Variants in KCNIP4 observed in about 807,000 individuals in gnomAD.
KCNIP4 encodes potassium voltage-gated channel interacting protein 4, also known as Kv channel-interacting protein 4.
A neutral mutation model predicts 34.0 loss-of-function variants in KCNIP4; 12 were observed. That is an observed-to-expected ratio of 0.35 (90% CI 0.23 to 0.57). The LOEUF (loss-of-function observed/expected upper bound fraction) is 0.57, where lower values mean the gene tolerates loss of function less well. Among genes scored for constraint, KCNIP4 ranks in the 20% least tolerant of loss-of-function variants. The pLI is 0.83. For synonymous variants in KCNIP4, 124 were observed against 102.2 expected, an observed-to-expected ratio of 1.21 and a Z score of -1.29; for missense variants, 238 against 311.7, an observed-to-expected ratio of 0.76 and a Z score of 1.78.
chr4:21,196,867 A>C (rs1756093721), intron 1 of KCNIP4, among the ~76,000 whole-genome samples: 1 of 152,202 alleles, frequency 6.6e-6, no homozygotes, highest in Non-Finnish European at 1.5e-5. Context: ...GTACATGCAC[A>C]CACACACAGT....
intron 1 of KCNIP4, among the ~76,000 whole-genome samples, chr4:21,357,317 G>A (rs1487467822): frequency 6.6e-6 from 1 of 152,060 alleles, no homozygotes; most frequent in African/African-American, 2.4e-5. Context: ...TTGACAAATG[G>A]GATCTAATTA....
At chr4:21,186,207 A>G (rs1755216872) in intron 1 of KCNIP4, among the ~76,000 whole-genome samples, 1 of 151,860 alleles carries the variant, frequency 6.6e-6, no homozygotes, top group South Asian at 2.1e-4. Context: ...TTCTGCTCAG[A>G]ACTTTTATTA....
chr4:21,037,214 T>G (rs963897713), intron 1 of KCNIP4, among the ~76,000 whole-genome samples: 5 of 152,154 alleles, frequency 3.3e-5, no homozygotes, highest in African/African-American at 1.2e-4. Flanking sequence ...AAAAATATTC[T>G]TATAAATTTA....
intron 3 of KCNIP4, among the ~76,000 whole-genome samples, chr4:20,790,159 T>C (rs1429741874): frequency 6.6e-6 from 1 of 152,154 alleles, no homozygotes; most frequent in African/African-American, 2.4e-5. Context: ...TAGGTAGTTG[T>C]CACAAAATGG....
chr4:21,547,179 G>C (rs74355289), intron 1 of KCNIP4, among the ~76,000 whole-genome samples: 5,828 of 152,046 alleles, frequency 0.038, 160 homozygotes, highest in Non-Finnish European at 0.057. Context: ...ACCCAGTCTA[G>C]ATCAGCTGAA....
intron 1 of KCNIP4, among the ~76,000 whole-genome samples, chr4:21,365,534 AAAG>A (rs1412064523): frequency 2.3e-4 from 5 of 21,744 alleles, no homozygotes; most frequent in Non-Finnish European, 4.1e-4. Context: ...AAAAATAAAG[AAAG>A]AAAAGAAAAA....
At chr4:21,174,448 A>G (rs1754247455) in intron 1 of KCNIP4, among the ~76,000 whole-genome samples, 1 of 152,188 alleles carries the variant, frequency 6.6e-6, no homozygotes. Flanking sequence ...GGGGATTAGA[A>G]ATAATGCAGA....
intron 1 of KCNIP4, among the ~76,000 whole-genome samples, chr4:21,146,751 A>G (rs572901087): frequency 5.2e-4 from 79 of 152,212 alleles, no homozygotes; most frequent in Non-Finnish European, 1.0e-3. Context: ...TAAGATTTTG[A>G]AACACAGCTG....
intron 1 of KCNIP4, among the ~76,000 whole-genome samples, chr4:20,974,281 A>G (rs1735265711): frequency 6.6e-6 from 1 of 152,214 alleles, no homozygotes; most frequent in African/African-American, 2.4e-5. Context: ...AGCTGGAGAG[A>G]AAATGAATGA....
At chr4:21,232,922 G>A (rs577757923) in intron 1 of KCNIP4, among the ~76,000 whole-genome samples, 1 of 152,276 alleles carries the variant, frequency 6.6e-6, no homozygotes, top group South Asian at 2.1e-4. Flanking sequence ...GTAGGTCTGA[G>A]TGAAAGGACC....
chr4:21,902,490 T>C (rs952154948), intron 1 of KCNIP4, among the ~76,000 whole-genome samples: 2 of 151,976 alleles, frequency 1.3e-5, no homozygotes, highest in Admixed American at 1.3e-4. Flanking sequence ...TTATGTAAGA[T>C]GAGATGTTCA....
chr4:20,877,970 C>T lies in KCNIP4; in HGVS notation c.163+4638G>A, dbSNP rs966702206. Among the ~76,000 whole-genome samples, 269 of 148,408 alleles carry T rather than the reference C, an allele frequency of 1.8e-3. 2 individuals carry two copies. The highest frequency in any genetic ancestry group is 3.4e-4 in the Non-Finnish European group (23 of 66,968). On this transcript the variant is annotated intron_variant, in intron 2 of 8. Coordinates refer to ENST00000382152, the MANE Select transcript of KCNIP4 (RefSeq NM_025221.6). ...GCCAGAGCTAATGTTTTCTCTCTCT[C>T]TTTTTTTTTTTCCAATTTAAAGATT... is the stretch of plus-strand genomic sequence containing the variant.
chr4:21,415,234 A>T (rs1291325450), intron 1 of KCNIP4, among the ~76,000 whole-genome samples: 4 of 152,062 alleles, frequency 2.6e-5, no homozygotes, highest in Non-Finnish European at 5.9e-5. Flanking sequence ...ATATGTGGGT[A>T]CCTAGAGTAA....
At chr4:21,890,973 C>T (rs1727058925) in intron 1 of KCNIP4, among the ~76,000 whole-genome samples, 1 of 152,108 alleles carries the variant, frequency 6.6e-6, no homozygotes, top group South Asian at 2.1e-4. Context: ...GTTTATATAG[C>T]ATTTTAACTT....
chr4:20,990,993 C>T (rs994989639), intron 1 of KCNIP4, among the ~76,000 whole-genome samples: 4 of 152,122 alleles, frequency 2.6e-5, no homozygotes, highest in African/African-American at 4.8e-5. Flanking sequence ...ATTGAGTTGT[C>T]GCAATATCTC....
chr4:21,433,777 G>A (rs1469307988), intron 1 of KCNIP4, among the ~76,000 whole-genome samples: 1 of 152,086 alleles, frequency 6.6e-6, no homozygotes, highest in African/African-American at 2.4e-5. Context: ...CTCTTTAGCT[G>A]GATATTTGCT....
At chr4:21,085,490 A>C (rs1746341190) in intron 1 of KCNIP4, among the ~76,000 whole-genome samples, 1 of 152,090 alleles carries the variant, frequency 6.6e-6, no homozygotes, top group Admixed American at 6.6e-5. Context: ...TTTCATATGT[A>C]TTTCTCATGG....
chr4:21,792,158 T>A (rs1720333931), intron 1 of KCNIP4, among the ~76,000 whole-genome samples: 1 of 151,676 alleles, frequency 6.6e-6, no homozygotes, highest in Non-Finnish European at 1.5e-5. Context: ...TCTCTCTCAA[T>A]AGACCCTAAG....
intron 1 of KCNIP4, among the ~76,000 whole-genome samples, chr4:21,254,621 T>C (rs1323385764): frequency 1.3e-5 from 2 of 152,220 alleles, no homozygotes; most frequent in Non-Finnish European, 2.9e-5. Flanking sequence ...TTATCATTTT[T>C]TGAGCTTTAT....
Sources: allele counts gnomAD v4.1 joint callset (sites outside exome capture counted in the v4.1 genomes callset), GRCh38; gene constraint gnomAD v4.1.1; transcripts MANE v1.5; gene names NCBI Gene and HGNC (gene_info 2026-07-23, HGNC 2026-07-21).